The following CNTN5 variants were observed in gnomAD, a reference collection of about 807,000 sequenced individuals.
CNTN5 encodes contactin 5, also known as contactin-5.
CNTN5 carries 77 observed loss-of-function variants against 129.1 expected under a neutral mutation model. That is an observed-to-expected ratio of 0.60 (90% confidence interval 0.50 to 0.72). CNTN5 has a LOEUF of 0.72. Among genes scored for constraint, CNTN5 ranks in the 30% least tolerant of loss-of-function variants. The pLI is 0.00. For missense variants in CNTN5, 1,478 were observed against 1,328.8 expected, an observed-to-expected ratio of 1.11 and a Z score of -1.75; for synonymous variants, 509 against 465.6, an observed-to-expected ratio of 1.09 and a Z score of -1.20.
intron 1 of CNTN5, among the ~76,000 whole-genome samples, chr11:99,197,548 CCTTTT>C (rs1858965465): frequency 6.6e-6 from 1 of 152,012 alleles, no homozygotes; most frequent in Non-Finnish European, 1.5e-5. Flanking sequence ...TTTTCCCACT[CCTTTT>C]CTTCAGGCAA....
intron 9 of CNTN5, among the ~76,000 whole-genome samples, chr11:100,043,611 C>T (rs1275042602): frequency 6.6e-6 from 1 of 152,158 alleles, no homozygotes; most frequent in Non-Finnish European, 1.5e-5. Context: ...AAGTTCCACT[C>T]ATTTGCCTTG....
intron 13 of CNTN5, among the ~76,000 whole-genome samples, chr11:100,165,587 G>A (rs1357753489): frequency 2.0e-5 from 3 of 151,702 alleles, no homozygotes; most frequent in South Asian, 2.1e-4. Flanking sequence ...AATTAATTGG[G>A]TTACCTTCAA....
chr11:100,329,080 G>C (rs536548124), intron 21 of CNTN5, among the ~76,000 whole-genome samples: 20 of 152,274 alleles, frequency 1.3e-4, no homozygotes, highest in African/African-American at 4.8e-4. Context: ...TGCTATTGGA[G>C]GGGGGCGTGG....
At chr11:99,889,661 G>A (rs902872152) in intron 6 of CNTN5, among the ~76,000 whole-genome samples, 2 of 150,994 alleles carry the variant, frequency 1.3e-5, no homozygotes, top group East Asian at 2.0e-4. Flanking sequence ...TCAGCCTCCC[G>A]AGTAGCTGGG....
chr11:100,297,689 C>A lies in CNTN5; in HGVS notation c.2379C>A (p.Ala793=). The change falls in exon 19 of 25, where the codon GCC becomes GCA. Residue 793 remains alanine (A), a synonymous_variant. Coordinates refer to ENST00000524871, the MANE Select transcript of CNTN5 (RefSeq NM_014361.4). ...GAAGAAGGCATGAGTTAGTCATTGCCTGGGAGGTAAGAAAAACACATCCTC... is the reference window on the plus strand; with the variant it reads ...GAAGAAGGCATGAGTTAGTCATTGCATGGGAGGTAAGAAAAACACATCCTC... ...RSGRRHELVI[A]WEPVSEEFQN... is the part of the protein sequence containing the mutation. 1 of 1,598,554 alleles carries A rather than the reference C, an allele frequency of 6.3e-7. No homozygotes were observed. The highest frequency in any genetic ancestry group is 1.1e-5 in the South Asian group (1 of 88,872).
intron 24 of CNTN5, 23 bp downstream of exon 24, chr11:100,350,893 T>G (rs897699675): frequency 6.6e-7 from 1 of 1,517,416 alleles, no homozygotes; most frequent in Non-Finnish European, 8.9e-7. Context: ...ACAGTAGATT[T>G]AATTTGCTGA....
At position 99,979,962 on chromosome 11, in the gene CNTN5, G is replaced by A. The variant is rs541121432; in HGVS notation, c.878-22072G>A. 3.8e-4 allele frequency among the ~76,000 whole-genome samples: 58 copies of A among 152,272 alleles called. No individual in the cohort carries two copies. The South Asian group carries it at 0.011, about 29-fold the overall frequency. On this transcript the variant is annotated intron_variant, in intron 8 of 24. Transcript: ENST00000524871. ...GAGTCAAACCAATTCAAAGGGTTAT[G>A]AGGAGTAGAGTTGTTATAGCTAAAG... is the stretch of plus-strand genomic sequence containing the variant.
At chr11:100,050,229 T>C (rs1350801084) in intron 9 of CNTN5, among the ~76,000 whole-genome samples, 1 of 152,148 alleles carries the variant, frequency 6.6e-6, no homozygotes, top group Admixed American at 6.5e-5. Flanking sequence ...CCAACCCAAA[T>C]GTCCAACAGT....
intron 2 of CNTN5, among the ~76,000 whole-genome samples, chr11:99,375,302 CAAAAAAA>C (rs397848951): frequency 5.6e-5 from 3 of 53,570 alleles, no homozygotes; most frequent in African/African-American, 8.8e-5. Context: ...GAGTCTGTCT[CAAAAAAA>C]AAAAAAAAAA....
intron 1 of CNTN5, among the ~76,000 whole-genome samples, chr11:99,052,258 C>G (rs945991664): frequency 3.3e-5 from 5 of 151,718 alleles, no homozygotes; most frequent in Non-Finnish European, 5.9e-5. Flanking sequence ...AATGCATGAA[C>G]TTTGCTGAGC....
chr11:100,027,163 ATTGT>A (rs1941464402), intron 9 of CNTN5, among the ~76,000 whole-genome samples: 1 of 151,996 alleles, frequency 6.6e-6, no homozygotes, highest in Non-Finnish European at 1.5e-5. Flanking sequence ...GTTTTGGTCA[ATTGT>A]TTGTTTTCTT....
chr11:99,869,376 G>A (rs1275219479), intron 6 of CNTN5, among the ~76,000 whole-genome samples: 1 of 151,954 alleles, frequency 6.6e-6, no homozygotes, highest in Non-Finnish European at 1.5e-5. Flanking sequence ...TAGATTGTTG[G>A]GTAGTAGATA....
At chr11:99,988,763 A>G (rs1471135147) in intron 8 of CNTN5, among the ~76,000 whole-genome samples, 1 of 152,110 alleles carries the variant, frequency 6.6e-6, no homozygotes, top group Admixed American at 6.6e-5. Context: ...GAGCTATTAC[A>G]TGTAGCTTTT....
At chr11:99,582,186 G>C (rs564768225) in intron 3 of CNTN5, among the ~76,000 whole-genome samples, 5 of 152,114 alleles carry the variant, frequency 3.3e-5, no homozygotes, top group African/African-American at 9.7e-5. Context: ...AGTTTCTGCC[G>C]AGAGATCAGC....
chr11:100,305,244 G>C (rs557754753), intron 20 of CNTN5, among the ~76,000 whole-genome samples: 2 of 151,562 alleles, frequency 1.3e-5, no homozygotes, highest in Non-Finnish European at 3.0e-5. Context: ...TCTGCAAAAT[G>C]AGAGCATGGA....
intron 2 of CNTN5, among the ~76,000 whole-genome samples, chr11:99,531,510 A>G (rs2135468618): frequency 6.6e-6 from 1 of 152,332 alleles, no homozygotes; most frequent in African/African-American, 2.4e-5. Flanking sequence ...TTAATCCCCA[A>G]GACCATGAGG....
chr11:100,193,980 C>T (rs889842444), intron 15 of CNTN5, among the ~76,000 whole-genome samples: 5 of 151,796 alleles, frequency 3.3e-5, no homozygotes, highest in Admixed American at 6.6e-5. Context: ...TTTAAAGCAT[C>T]GTTAACAGTA....
At chr11:99,652,572 C>T (rs1427546912) in intron 3 of CNTN5, among the ~76,000 whole-genome samples, 1 of 152,048 alleles carries the variant, frequency 6.6e-6, no homozygotes, top group Admixed American at 6.6e-5. Flanking sequence ...GCTGTAGTCA[C>T]TATCCCAATT....
chr11:100,162,947 G>A (rs1947505363), intron 13 of CNTN5, among the ~76,000 whole-genome samples: 1 of 151,738 alleles, frequency 6.6e-6, no homozygotes, highest in Admixed American at 6.6e-5. Context: ...TGCCAAATGA[G>A]GTTTTTATTC....
Sources: gnomAD v4.1 joint callset for allele counts (sites outside exome capture counted in the v4.1 genomes callset) on GRCh38, gnomAD v4.1.1 for gene constraint, MANE v1.5 for transcripts, NCBI Gene and HGNC (gene_info 2026-07-23, HGNC 2026-07-21) for gene names.